Variants in DLG2 observed in about 807,000 individuals in gnomAD.
DLG2 encodes the protein disks large homolog 2.
In DLG2, 45 loss-of-function variants were observed where a neutral mutation model predicts 132.5. The ratio of observed to expected loss-of-function variants is 0.34; its 90% confidence interval spans 0.27 to 0.44. The LOEUF (loss-of-function observed/expected upper bound fraction) is 0.44. Among genes scored for constraint, DLG2 ranks in the 20% least tolerant of loss-of-function variants. DLG2 has a pLI of 1.00. For synonymous variants in DLG2, 424 were observed against 419.6 expected (o/e 1.01, Z -0.13); for missense variants, 1,045 against 1,196.9 (o/e 0.87, Z 1.87).
intron 3 of DLG2, among the ~76,000 whole-genome samples, chr11:85,427,535 A>T (rs2090853844): frequency 6.6e-6 from 1 of 152,218 alleles, no homozygotes; most frequent in South Asian, 2.1e-4. Flanking sequence ...TAAGCTTCAT[A>T]AGTGAAGGAG....
chr11:84,800,844 A>G (rs1004895088), intron 6 of DLG2: 25 of 152,200 alleles, frequency 1.6e-4, no homozygotes, highest in African/African-American at 6.0e-4. Context: ...ACGAGTCTAC[A>G]GTTTTACAAG....
chr11:83,990,650 C>T (rs780676249), intron 11 of DLG2, among the ~76,000 whole-genome samples: 54 of 152,088 alleles, frequency 3.6e-4, no homozygotes, highest in Non-Finnish European at 7.4e-4. Context: ...ATATTCTTTG[C>T]GGGTGTAGAG....
chr11:84,267,001 A>G (rs1375764949), intron 7 of DLG2, among the ~76,000 whole-genome samples: 1 of 152,222 alleles, frequency 6.6e-6, no homozygotes, highest in African/African-American at 2.4e-5. Context: ...GAAACCTCCC[A>G]AATGCTTATA....
At chr11:84,321,623 A>C (rs2098405296) in intron 7 of DLG2, among the ~76,000 whole-genome samples, 1 of 152,078 alleles carries the variant, frequency 6.6e-6, no homozygotes, top group Non-Finnish European at 1.5e-5. Flanking sequence ...TCATACTTTC[A>C]CATAATTAAT....
At chr11:83,539,640 C>T (rs1592750915) in intron 20 of DLG2, among the ~76,000 whole-genome samples, 1 of 150,994 alleles carries the variant, frequency 6.6e-6, no homozygotes, top group South Asian at 2.1e-4. Context: ...TACAGCTATA[C>T]ATTATATGTA....
intron 8 of DLG2, among the ~76,000 whole-genome samples, chr11:84,192,708 C>T (rs1019647852): frequency 2.0e-5 from 3 of 151,426 alleles, no homozygotes; most frequent in Non-Finnish European, 2.9e-5. Context: ...CCAGCCTGGG[C>T]GACAGGGCGA....
chr11:84,477,860 G>C (rs1356984179), intron 7 of DLG2, among the ~76,000 whole-genome samples: 1 of 152,138 alleles, frequency 6.6e-6, no homozygotes, highest in Non-Finnish European at 1.5e-5. Flanking sequence ...TTTTAGCCAG[G>C]TGGCAGTATT....
chr11:84,044,935 C>T (rs1297908492), intron 11 of DLG2, among the ~76,000 whole-genome samples: 1 of 151,676 alleles, frequency 6.6e-6, no homozygotes, highest in East Asian at 1.9e-4. Flanking sequence ...TTCTTTTAGT[C>T]ACAGGTTTTT....
At chr11:84,222,089 A>C (rs1179836352) in intron 8 of DLG2, among the ~76,000 whole-genome samples, 5 of 151,892 alleles carry the variant, frequency 3.3e-5, no homozygotes, top group Non-Finnish European at 7.4e-5. Context: ...CTGGAGTGCA[A>C]TGGTGCGATC....
At chr11:84,686,324 G>A (rs997627685) in intron 6 of DLG2, among the ~76,000 whole-genome samples, 1 of 152,150 alleles carries the variant, frequency 6.6e-6, no homozygotes, top group African/African-American at 2.4e-5. Flanking sequence ...TTTTTAATAC[G>A]CAACTTCCTT....
chr11:84,085,656 A>C (rs1412970308), intron 10 of DLG2, among the ~76,000 whole-genome samples: 2 of 152,236 alleles, frequency 1.3e-5, no homozygotes, highest in African/African-American at 2.4e-5. Flanking sequence ...AGAGCAGTAC[A>C]TCTTGTTAAC....
intron 6 of DLG2, among the ~76,000 whole-genome samples, chr11:84,751,899 G>C (rs2066160342): frequency 6.6e-6 from 1 of 152,158 alleles, no homozygotes; most frequent in Non-Finnish European, 1.5e-5. Context: ...TGAGTGGTAG[G>C]TTACAAGCAT....
chr11:85,001,532 C>A (rs2058211231), intron 6 of DLG2, among the ~76,000 whole-genome samples: 1 of 152,066 alleles, frequency 6.6e-6, no homozygotes. Context: ...ATATGAGTGA[C>A]ATGGATGGTT....
At chr11:85,468,741 C>CAATTTTGGAAT (rs1410566484) in intron 3 of DLG2, among the ~76,000 whole-genome samples, 1 of 152,056 alleles carries the variant, frequency 6.6e-6, no homozygotes, top group East Asian at 1.9e-4. Context: ...AATAAGTGGT[C>CAATTTTGGAAT]AATTTTGGAA....
intron 18 of DLG2, among the ~76,000 whole-genome samples, chr11:83,733,086 A>G (rs2091299840): frequency 6.6e-6 from 1 of 151,998 alleles, no homozygotes; most frequent in African/African-American, 2.4e-5. Context: ...TGCTAAAAAT[A>G]CAAAAATTAC....
chr11:83,972,464 C>A (rs34316246), intron 12 of DLG2, among the ~76,000 whole-genome samples: 3,521 of 152,178 alleles, frequency 0.023, 69 homozygotes, highest in Middle Eastern at 0.034. Context: ...CTGTTCAGGG[C>A]TCTTTATGTA....
chr11:84,798,089 G>A (rs2074895490), intron 6 of DLG2, among the ~76,000 whole-genome samples: 1 of 152,142 alleles, frequency 6.6e-6, no homozygotes, highest in African/African-American at 2.4e-5. Flanking sequence ...CACCACTATA[G>A]CCATGACGAC....
chr11:84,365,263 T>G (rs1042030018), intron 7 of DLG2, among the ~76,000 whole-genome samples: 7 of 152,168 alleles, frequency 4.6e-5, no homozygotes, highest in African/African-American at 7.2e-5. Context: ...GCCGAGGAAT[T>G]TATCCATTTC....
At chr11:85,505,315 G>A (rs1047318257) in intron 3 of DLG2, among the ~76,000 whole-genome samples, 3 of 152,178 alleles carry the variant, frequency 2.0e-5, no homozygotes, top group African/African-American at 7.2e-5. Flanking sequence ...CAAAGAGAAT[G>A]CTTCCAGTTT....
Sources: allele counts gnomAD v4.1 joint callset (sites outside exome capture counted in the v4.1 genomes callset), GRCh38; gene constraint gnomAD v4.1.1; transcripts MANE v1.5; gene names NCBI Gene and HGNC (gene_info 2026-07-23, HGNC 2026-07-21).